The following RNPEPL1 variants were observed in gnomAD, a reference collection of about 807,000 sequenced individuals.
RNPEPL1 encodes arginyl aminopeptidase like 1, also known as aminopeptidase RNPEPL1.
A neutral mutation model predicts 69.0 loss-of-function variants in RNPEPL1; 46 were observed. The ratio of observed to expected loss-of-function variants is 0.67; its 90% CI spans 0.53 to 0.85. RNPEPL1 has a LOEUF of 0.85. Ranked by LOEUF, RNPEPL1 falls within the 40% of genes least tolerant of loss-of-function variation. The pLI, the probability that RNPEPL1 is intolerant of heterozygous loss-of-function variation, is 0.00. For missense variants in RNPEPL1, 869 were observed against 992.5 expected, an observed-to-expected ratio of 0.88 and a Z score of 1.67; for synonymous variants, 525 against 454.1, an observed-to-expected ratio of 1.16 and a Z score of -1.98.
chr2:240,575,648 G>T, intron 8 of RNPEPL1, 38 bp downstream of exon 8: 1 of 1,552,638 alleles, frequency 6.4e-7, no homozygotes, highest in Non-Finnish European at 8.9e-7. Flanking sequence ...AGGGAGCCGT[G>T]GGTATGATGG....
intron 1 of RNPEPL1, 97 bp from the exon 2 acceptor site, chr2:240,572,326 C>G (rs1015587647): frequency 7.0e-5 from 98 of 1,406,134 alleles, no homozygotes; most frequent in Non-Finnish European, 9.1e-5. Context: ...ATTGTCCCCT[C>G]CCAGAGCCTC....
chr2:240,576,468 G>A, intron 8 of RNPEPL1, 67 bp from the exon 9 acceptor site: 2 of 1,450,602 alleles, frequency 1.4e-6, no homozygotes, highest in Non-Finnish European at 1.9e-6. Flanking sequence ...GGGGTCTCCT[G>A]GGCAGATTGC....
At chr2:240,569,941 T>G (rs2093016528) in intron 1 of RNPEPL1, among the ~76,000 whole-genome samples, 1 of 152,142 alleles carries the variant, frequency 6.6e-6, no homozygotes, top group Non-Finnish European at 1.5e-5. Flanking sequence ...CAAGGTGACA[T>G]CTGGGCAGGA....
At chr2:240,572,760 C>T (rs748640330) in intron 2 of RNPEPL1, among the ~76,000 whole-genome samples, 197 bp downstream of exon 2, 32 of 152,342 alleles carry the variant, frequency 2.1e-4, no homozygotes, top group Admixed American at 3.3e-4. Context: ...CTGCCTCCAA[C>T]GGGCCTGAGG....
Position 240,577,661 on chromosome 2 carries a change from C to T in RNPEPL1, c.1947C>T (p.Phe649=), listed in dbSNP as rs751363771. ...EDLCTGALKS[F]ALEVFYQTQG... The stretch of plus-strand genomic sequence containing the variant: ...TCTGCACCGGTGCCCTCAAGTCCTT[C>T]GCGCTGGAGGTCTTCTACCAGACGC... The change falls in exon 11 of 11, where the codon TTC becomes TTT. Residue 649 remains phenylalanine, a synonymous_variant. Transcript: ENST00000270357. The T allele has an allele frequency of 1.5e-5, 24 of 1,612,212 alleles. No homozygotes were observed. Among genetic ancestry groups the T allele is most frequent in the Non-Finnish European group, 1.9e-5 (22 of 1,179,322 alleles).
At position 240,568,868 on chromosome 2, in the gene RNPEPL1, C is replaced by T. The variant is rs1309573612; in HGVS notation, c.282C>T (p.Pro94=). Residue 94 remains proline (P), a synonymous_variant, in exon 1 of 11, where the codon CCC becomes CCT. Transcript: ENST00000270357. The surrounding 1 kb of genome is among the most constrained non-coding windows in gnomAD (Gnocchi z 6.2). ...RLHSAAFRRA[P]AAAAETPCAF... is the part of the protein sequence containing the mutation. Reference sequence around the variant, plus strand: ...ACTCAGCCGCCTTCCGTCGCGCCCCCGCCGCCGCCGCCGAGACGCCCTGCG... The same window carrying T: ...ACTCAGCCGCCTTCCGTCGCGCCCCTGCCGCCGCCGCCGAGACGCCCTGCG... 13 of 1,183,702 alleles carry T rather than the reference C, an allele frequency of 1.1e-5. No homozygotes were observed. The highest frequency in any genetic ancestry group is 1.3e-5 in the Non-Finnish European group (12 of 953,244). The allele number at this position is 1,183,702 out of a possible 1,614,324, so 73.3% of individuals were successfully genotyped here. A position where few individuals can be genotyped will look rare whatever the true frequency, so the allele number is the denominator to read the frequency against.
intron 4 of RNPEPL1, 88 bp downstream of exon 4, chr2:240,573,979 C>T: frequency 7.1e-7 from 1 of 1,399,648 alleles, no homozygotes; most frequent in Non-Finnish European, 9.8e-7. Context: ...TGTCCTGTCC[C>T]CATCTCCTGG....
chr2:240,574,874 G>A, intron 6 of RNPEPL1, 156 bp from the exon 7 acceptor site: 1 of 700,980 alleles, frequency 1.4e-6, no homozygotes, highest in Non-Finnish European at 2.6e-6. Flanking sequence ...CCGAGGCCCT[G>A]CCGCTGCACG....
At chr2:240,569,450 G>C (rs1421277715) in intron 1 of RNPEPL1, among the ~76,000 whole-genome samples, 1 of 152,260 alleles carries the variant, frequency 6.6e-6, no homozygotes, top group African/African-American at 2.4e-5. Flanking sequence ...AGCTGCGGAA[G>C]GGCCTCCATG....
rs1056200076 is a variant in RNPEPL1 at position 240,572,522 on chromosome 2, G to A, written c.628G>A (p.Asp210Asn). 2 of 1,536,108 alleles carry A rather than the reference G, an allele frequency of 1.3e-6. No individual in the cohort carries two copies. The highest frequency in any genetic ancestry group is 2.7e-5 in the African/African-American group (2 of 73,048). ...VCNRSFFPCFDTPAVKCTYSA... is the reference protein window; with the variant it reads ...VCNRSFFPCFNTPAVKCTYSA... Reference sequence around the variant, plus strand: ...CAACCGCTCCTTCTTCCCGTGCTTCGACACACCTGCCGTGAAGTGCACCTA... The same window carrying A: ...CAACCGCTCCTTCTTCCCGTGCTTCAACACACCTGCCGTGAAGTGCACCTA... Residue 210 changes from aspartate (D) to asparagine (N), a missense_variant, in exon 2 of 11, where the codon GAC becomes AAC. By Grantham distance (23) the Asp-to-Asn change is conservative. Around this residue, in one of 2 missense-constraint regions of RNPEPL1, gnomAD observed 610 missense variants for 790.9 expected, o/e 0.77. Coordinates refer to ENST00000270357, the MANE Select transcript of RNPEPL1 (RefSeq NM_018226.6).
At position 240,577,590 on chromosome 2, in the gene RNPEPL1, C is replaced by T. The variant is rs748681586; in HGVS notation, c.1885-9C>T. Reference sequence around the variant, plus strand: ...AGCCCACCAGTGTGACCGAGTGCCCCTCCTGCAGATGTCACGCATGTACAC... The same window carrying T: ...AGCCCACCAGTGTGACCGAGTGCCCTTCCTGCAGATGTCACGCATGTACAC... On this transcript the variant is annotated splice_polypyrimidine_tract_variant and intron_variant, in intron 10 of 10. Coordinates refer to ENST00000270357, the MANE Select transcript of RNPEPL1 (RefSeq NM_018226.6). 15 of 1,551,660 alleles carry T rather than the reference C, an allele frequency of 9.7e-6. No individual in the cohort carries two copies. The highest frequency in any genetic ancestry group is 1.8e-5 in the Admixed American group (1 of 56,282).
chr2:240,573,944 G>A (rs1340488672), intron 4 of RNPEPL1, 53 bp downstream of exon 4: 10 of 1,511,912 alleles, frequency 6.6e-6, no homozygotes, highest in Non-Finnish European at 5.4e-6. Flanking sequence ...AGTCAGAGGG[G>A]GAGCCCCTCG....
rs1469089898 is a variant in RNPEPL1 at position 240,573,095 on chromosome 2, C to T, written c.670-15C>T. ...GACGGTGGGGCCACCCGGTCTCAGT[C>T]CGGCCTCCTTACAGGCGCCATCGGG... On this transcript the variant is annotated splice_polypyrimidine_tract_variant and intron_variant, in intron 2 of 10. Coordinates refer to ENST00000270357, the MANE Select transcript of RNPEPL1 (RefSeq NM_018226.6). The T allele has an allele frequency of 3.1e-6, 5 of 1,587,600 alleles. No individual in the cohort carries two copies. The Admixed American group carries it at 5.2e-5, about 16-fold the overall frequency.
chr2:240,572,501 C>A lies in RNPEPL1; in HGVS notation c.607C>A (p.Arg203Ser). ...CACCCAGGGCCACTCCGTGTGCAAC[C>A]GCTCCTTCTTCCCGTGCTTCGACAC... ...VFTQGHSVCN[R>S]SFFPCFDTPA... Residue 203 changes from arginine to serine, a missense_variant, in exon 2 of 11, where the codon CGC (arginine) becomes AGC (serine). Transcript: ENST00000270357. 1 of 1,536,292 alleles carries A rather than the reference C, an allele frequency of 6.5e-7. No homozygotes were observed. Among genetic ancestry groups the A allele is most frequent in the Non-Finnish European group, 8.7e-7 (1 of 1,146,910 alleles).
At chr2:240,577,573 A>C in intron 10 of RNPEPL1, 26 bp from the exon 11 acceptor site, 1 of 1,535,828 alleles carries the variant, frequency 6.5e-7, no homozygotes, top group South Asian at 1.2e-5. Context: ...GGAGCCCACC[A>C]GTGTGACCGA....
At position 240,568,693 on chromosome 2, in the gene RNPEPL1, C is replaced by G; in HGVS notation, c.107C>G (p.Ala36Gly). The change falls in exon 1 of 11, where the codon GCG becomes GGG. Residue 36 changes from alanine to glycine, a missense_variant. This residue lies in a region of RNPEPL1 where 259 missense variants were observed against 201.5 expected (regional missense o/e 1.29). Coordinates refer to ENST00000270357, the MANE Select transcript of RNPEPL1 (RefSeq NM_018226.6). The surrounding 1 kb of genome is among the most constrained non-coding windows in gnomAD (Gnocchi z 6.2). ...PALDVASASS[A>G]QLFRLRHLQL... Reference sequence around the variant, plus strand: ...CTGGACGTGGCCTCGGCCTCCAGCGCGCAGCTCTTCCGCCTCCGCCACCTG... The same window carrying G: ...CTGGACGTGGCCTCGGCCTCCAGCGGGCAGCTCTTCCGCCTCCGCCACCTG... 1 of 1,057,954 alleles carries G rather than the reference C, an allele frequency of 9.5e-7. No homozygotes were observed. The highest frequency in any genetic ancestry group is 1.7e-5 in the African/African-American group (1 of 57,624). The allele number at this position is 1,057,954 out of a possible 1,614,324, so 65.5% of individuals were successfully genotyped here.
At position 240,568,731 on chromosome 2, in the gene RNPEPL1, G is replaced by A; in HGVS notation, c.145G>A (p.Glu49Lys). 1 of 1,069,574 alleles carries A rather than the reference G, an allele frequency of 9.3e-7. No homozygotes were observed. Among genetic ancestry groups the A allele is most frequent in the South Asian group, 3.0e-5 (1 of 33,588 alleles). 66.3% of individuals were successfully genotyped at this position (1,069,574 alleles called of 1,614,324 possible). A position where few individuals can be genotyped will look rare whatever the true frequency, so the allele number is the denominator to read the frequency against. The change falls in exon 1 of 11, where the codon GAG becomes AAG. Residue 49 changes from glutamate (E) to lysine (K), a missense_variant. Physicochemically the swap from Glu to Lys is moderately conservative, Grantham distance 56. Coordinates refer to ENST00000270357, the MANE Select transcript of RNPEPL1 (RefSeq NM_018226.6). The surrounding 1 kb of genome is among the most constrained non-coding windows in gnomAD (Gnocchi z 6.2). Reference protein sequence around the residue: ...FRLRHLQLGLELRPEARELAG... With the variant: ...FRLRHLQLGLKLRPEARELAG... ...CCTCCGCCACCTGCAGCTGGGCCTGGAGCTGCGGCCCGAGGCGCGCGAGTT... is the reference window on the plus strand; with the variant it reads ...CCTCCGCCACCTGCAGCTGGGCCTGAAGCTGCGGCCCGAGGCGCGCGAGTT...
At position 240,579,277 on chromosome 2, in the gene RNPEPL1, C is replaced by A. The variant is rs1314138887; in HGVS notation, c.*1385C>A. 1 of 152,230 alleles carries A rather than the reference C, an allele frequency of 6.6e-6. No individual in the cohort carries two copies. The highest frequency in any genetic ancestry group is 1.9e-4 in the East Asian group (1 of 5,180). The allele number at this position is 152,230 out of a possible 1,614,324, so 9.4% of individuals were successfully genotyped here. On this transcript the variant is annotated 3_prime_UTR_variant, in exon 11 of 11. Transcript: ENST00000270357. Reference sequence around the variant, plus strand: ...AGGGCAGGAGGTGCTGGGCAAATAACCCTGATACCATCACTGTCCAGTCCC... The same window carrying A: ...AGGGCAGGAGGTGCTGGGCAAATAAACCTGATACCATCACTGTCCAGTCCC...
At chr2:240,573,413 C>CGCCAGGGCCCTGCCT (rs3842569) in intron 3 of RNPEPL1, 152 bp downstream of exon 3, 362,317 of 749,532 alleles carry the variant, frequency 0.48, 107,539 homozygotes, top group Middle Eastern at 0.66. Flanking sequence ...TTGGTGCCAC[C>CGCCAGGGCCCTGCCT]GCCAGGGCCC....
Sources: gnomAD v4.1 joint callset for allele counts (sites outside exome capture counted in the v4.1 genomes callset) on GRCh38, gnomAD v4.1.1 for gene constraint, gnomAD v4.1.1 regional missense constraint, Gnocchi (gnomAD v3.1) non-coding constraint, MANE v1.5 for transcripts, NCBI Gene and HGNC (gene_info 2026-07-23, HGNC 2026-07-21) for gene names.